The following PARP10 variants were observed in gnomAD, a reference collection of about 807,000 sequenced individuals.
PARP10 encodes the protein protein mono-ADP-ribosyltransferase PARP10.
A neutral mutation model predicts 82.4 loss-of-function variants in PARP10; 56 were observed. That is an observed-to-expected ratio of 0.68 (90% CI 0.55 to 0.85). PARP10 has a LOEUF of 0.85. Among genes scored for constraint, PARP10 ranks in the 40% least tolerant of loss-of-function variants. PARP10 has a pLI of 0.00. For missense variants in PARP10, 1,227 were observed against 1,379.4 expected, an observed-to-expected ratio of 0.89 and a Z score of 1.75; for synonymous variants, 576 against 601.1, an observed-to-expected ratio of 0.96 and a Z score of 0.61.
upstream of PARP10, chr8:143,990,628 C>G (rs1554750294): frequency 6.6e-6 from 1 of 152,254 alleles, no homozygotes; most frequent in Non-Finnish European, 1.5e-5. This position sits in a 1 kb window ranked among gnomAD's most constrained non-coding sequence, Gnocchi z 5.6. Context: ...CACCGGCAGC[C>G]GATCCAGGCC....
chr8:143,991,558 A>G (rs782684390), upstream of PARP10: 2 of 1,560,340 alleles, frequency 1.3e-6, no homozygotes, highest in Admixed American at 3.5e-5. Flanking sequence ...TTCCCCCCCA[A>G]CCCCTATGGA....
At chr8:143,983,921 A>G in intron 7 of PARP10, 87 bp downstream of exon 7, 1 of 1,479,952 alleles carries the variant, frequency 6.8e-7, no homozygotes, top group Non-Finnish European at 9.1e-7. Context: ...AAGATGGGTC[A>G]GTAGACAGAT....
upstream of PARP10, chr8:143,992,060 CT>C: frequency 6.2e-7 from 1 of 1,613,966 alleles, no homozygotes; most frequent in Non-Finnish European, 8.5e-7. Context: ...GAAAGCACCC[CT>C]GGAACCTTGT....
rs1157315009 is a variant in PARP10, at chr8:144,008,920, C to T, written c.-80+3610G>A. Among the ~76,000 whole-genome samples the T allele has an allele frequency of 1.3e-5, 2 of 152,172 alleles. No individual in the cohort carries two copies. The highest frequency in any genetic ancestry group is 4.2e-4 in the South Asian group (2 of 4,818). On this transcript the variant is annotated intron_variant, in intron 1 of 3. Transcript: ENST00000530478. The surrounding 1 kb of genome is among the most constrained non-coding windows in gnomAD (Gnocchi z 4.0). Reference sequence around the variant, plus strand: ...TAAAAGTAGGGGGAGGAGAGGAAGCCTGGCGGAGGCTAATTCAAAGAAAGG... The same window carrying T: ...TAAAAGTAGGGGGAGGAGAGGAAGCTTGGCGGAGGCTAATTCAAAGAAAGG...
chr8:143,995,209 A>G (rs1834155835), upstream of PARP10, among the ~76,000 whole-genome samples: 1 of 152,180 alleles, frequency 6.6e-6, no homozygotes, highest in African/African-American at 2.4e-5. Flanking sequence ...AAGGGCACTC[A>G]GGCAGGGGCC....
upstream of PARP10, chr8:143,991,683 G>C (rs781986280): frequency 1.2e-6 from 2 of 1,606,360 alleles, no homozygotes; most frequent in Non-Finnish European, 1.7e-6. Context: ...CAGCCTGTCT[G>C]CTTCTCAGCA....
At chr8:143,994,594 A>G (rs1554751115), upstream of PARP10, among the ~76,000 whole-genome samples, 1 of 152,064 alleles carries the variant, frequency 6.6e-6, no homozygotes, top group Non-Finnish European at 1.5e-5. Context: ...GACCCTGCAC[A>G]ACCTGAGTCA....
intron 9 of PARP10, among the ~76,000 whole-genome samples, chr8:143,982,054 G>C (rs1477710305): frequency 7.0e-6 from 1 of 142,620 alleles, no homozygotes; most frequent in African/African-American, 2.6e-5. Context: ...TGGTGTGATG[G>C]TGGTGATGAT....
chr8:143,994,343 C>T (rs1834145832), upstream of PARP10, among the ~76,000 whole-genome samples: 1 of 152,226 alleles, frequency 6.6e-6, no homozygotes, highest in Non-Finnish European at 1.5e-5. Context: ...GCTTCCCTCT[C>T]CCTCCCAACC....
Position 143,985,236 on chromosome 8 carries a change from C to T in PARP10, c.766G>A (p.Ala256Thr), listed in dbSNP as rs1554748993. The change falls in exon 5 of 11, where the codon GCT (alanine) becomes ACT (threonine). Residue 256 changes from alanine to threonine, a missense_variant. Physicochemically the swap from Ala to Thr is moderately conservative, Grantham distance 58. Transcript: ENST00000313028. ...TGGTCCCCTCCACTGGTGTTCTCAG[C>T]CAGCTCCTCGGGCTCCAGGATGTCG... ...HYDILEPEEL[A>T]ENTSGGDHPS... 6.8e-6 allele frequency: 11 copies of T among 1,614,054 alleles called. No homozygotes were observed. The Admixed American group carries it at 1.2e-4, about 17-fold the overall frequency.
chr8:144,001,748 AAAG>A (rs1834204720), intron 1 of PARP10, among the ~76,000 whole-genome samples: 1 of 151,734 alleles, frequency 6.6e-6, no homozygotes, highest in Non-Finnish European at 1.5e-5. Context: ...AAAGAAAAGA[AAAG>A]AAAAGTCTGG....
rs1554748622 is a variant in PARP10 at position 143,984,378 on chromosome 8, C to G, written c.1512G>C (p.Leu504=). The change falls in exon 6 of 11, where the codon CTG becomes CTC. Residue 504 remains leucine, a synonymous_variant. Coordinates refer to ENST00000313028, the MANE Select transcript of PARP10 (RefSeq NM_032789.5). ...CQAAEEFLRS[L]LGSISCHVLC... is the part of the protein sequence containing the mutation. ...ACACATGGCAGCTAATGCTGCCCAG[C>G]AGGCTCCGCAGAAACTCCTCAGCCG... 1 of 1,612,884 alleles carries G rather than the reference C, an allele frequency of 6.2e-7. No individual in the cohort carries two copies. The highest frequency in any genetic ancestry group is 1.7e-4 in the Middle Eastern group (1 of 6,058).
intron 2 of PARP10, 25 bp downstream of exon 2, chr8:143,986,030 C>T (rs1833982582): frequency 6.2e-7 from 1 of 1,609,992 alleles, no homozygotes; most frequent in Non-Finnish European, 8.5e-7. Flanking sequence ...GGCACCCAGG[C>T]TGTCCCTTCA....
At position 143,986,181 on chromosome 8, in the gene PARP10, G is replaced by A. The variant is rs1833986741; in HGVS notation, c.55C>T (p.Pro19Ser). The A allele has an allele frequency of 2.5e-6, 4 of 1,613,738 alleles. No individual in the cohort carries two copies. Among genetic ancestry groups the A allele is most frequent in the African/African-American group, 1.3e-5 (1 of 74,916 alleles). The change falls in exon 2 of 11, where the codon CCC (proline) becomes TCC (serine). Residue 19 changes from proline to serine, a missense_variant. By Grantham distance (74) the Pro-to-Ser change is moderately conservative. Coordinates refer to ENST00000313028, the MANE Select transcript of PARP10 (RefSeq NM_032789.5). The part of the protein sequence containing the change: ...AGVAVEVRGL[P>S]PAVPDELLTL... ...AGCAGCTCGTCGGGCACGGCAGGGG[G>A]CAGTCCACGGACCTCCACTGCCACC...
rs567149326 is a variant in PARP10, at chr8:144,011,442, C to T, written c.-80+1088G>A. On this transcript the variant is annotated intron_variant, in intron 1 of 3. Transcript: ENST00000530478. The surrounding 1 kb of genome is among the most constrained non-coding windows in gnomAD (Gnocchi z 4.5). ...CCCAGCCCTGGCTGACCTTCTTCCC[C>T]TTCCTCATTCCCACATTCTACCAGG... Among the ~76,000 whole-genome samples, 1 of 152,158 alleles carries T rather than the reference C, an allele frequency of 6.6e-6. No individual in the cohort carries two copies. Among genetic ancestry groups the T allele is most frequent in the African/African-American group, 2.4e-5 (1 of 41,424 alleles).
At chr8:143,991,300 A>G, upstream of PARP10, 1 of 1,434,852 alleles carries the variant, frequency 7.0e-7, no homozygotes, top group Non-Finnish European at 9.5e-7. Flanking sequence ...GGGGGGCCCC[A>G]GCCACCCATG....
chr8:143,978,990 TGA>T lies in PARP10; in HGVS notation c.2557-911_2557-910del, dbSNP rs1267390951. ...GCAAGTTTTTTTTTTTTTTTTTCTTTGAGAGGGAGTCTGGCTGTGTCGCCCAG... is the reference window on the plus strand; with the variant it reads ...GCAAGTTTTTTTTTTTTTTTTTCTTTGAGGGAGTCTGGCTGTGTCGCCCAG... On this transcript the variant is annotated intron_variant, in intron 9 of 10. Transcript: ENST00000313028. Among the ~76,000 whole-genome samples the T allele has an allele frequency of 8.7e-5, 13 of 149,590 alleles. No homozygotes were observed. The South Asian group carries it at 1.9e-3, about 22-fold the overall frequency.
chr8:143,991,200 G>A, upstream of PARP10: 2 of 1,535,770 alleles, frequency 1.3e-6, no homozygotes, highest in Non-Finnish European at 1.8e-6. Flanking sequence ...TCTTCTCTAG[G>A]GGCGGACCGC....
intron 1 of PARP10, among the ~76,000 whole-genome samples, chr8:143,996,480 A>C (rs1454117615): frequency 3.3e-5 from 5 of 152,184 alleles, no homozygotes; most frequent in Non-Finnish European, 7.3e-5. Context: ...ACCCCATTCC[A>C]CTGCCTCTGG....
Sources: gnomAD v4.1 joint callset for allele counts (sites outside exome capture counted in the v4.1 genomes callset) on GRCh38, gnomAD v4.1.1 for gene constraint, Gnocchi (gnomAD v3.1) non-coding constraint, MANE v1.5 for transcripts, NCBI Gene and HGNC (gene_info 2026-07-23, HGNC 2026-07-21) for gene names.